CCSER1: variants seen among roughly 807,000 people sequenced by gnomAD.
CCSER1 encodes serine-rich coiled-coil domain-containing protein 1.
CCSER1 carries 41 observed loss-of-function variants against 82.0 expected under a neutral mutation model. The observed-to-expected ratio is 0.50, with a 90% confidence interval of 0.39 to 0.65. The LOEUF is 0.65. Among genes scored for constraint, CCSER1 ranks in the 30% least tolerant of loss-of-function variants. The pLI is 0.00. For synonymous variants in CCSER1, 414 were observed against 383.9 expected, an observed-to-expected ratio of 1.08 and a Z score of -0.92; for missense variants, 1,119 against 1,064.2, an observed-to-expected ratio of 1.05 and a Z score of -0.72.
intron 10 of CCSER1, among the ~76,000 whole-genome samples, chr4:91,522,798 A>G (rs2110145943): frequency 6.6e-6 from 1 of 152,326 alleles, no homozygotes; most frequent in Non-Finnish European, 1.5e-5. Flanking sequence ...TTTTCTAAAT[A>G]TACAATCATG....
At chr4:90,321,626 A>G (rs1013327887) in intron 3 of CCSER1, among the ~76,000 whole-genome samples, 4 of 152,108 alleles carry the variant, frequency 2.6e-5, no homozygotes, top group African/African-American at 9.7e-5. Context: ...TTAGTTTTTC[A>G]AGGAATCTCC....
At chr4:91,110,316 C>T (rs1207142435) in intron 10 of CCSER1, among the ~76,000 whole-genome samples, 1 of 151,838 alleles carries the variant, frequency 6.6e-6, no homozygotes, top group Non-Finnish European at 1.5e-5. Flanking sequence ...AAACTTAGTG[C>T]TTGCTCCTTA....
At chr4:90,785,852 C>T (rs74382445) in intron 7 of CCSER1, among the ~76,000 whole-genome samples, 7,777 of 152,034 alleles carry the variant, frequency 0.051, 233 homozygotes, top group East Asian at 0.15. Context: ...TTATTAATAT[C>T]CAAAGGATTA....
At chr4:91,546,206 T>A (rs1168638439) in intron 10 of CCSER1, among the ~76,000 whole-genome samples, 1 of 152,122 alleles carries the variant, frequency 6.6e-6, no homozygotes, top group Non-Finnish European at 1.5e-5. Flanking sequence ...TTTGCATTGA[T>A]GTTTATGAGA....
chr4:90,376,456 A>C (rs1748331810), intron 3 of CCSER1, among the ~76,000 whole-genome samples: 2 of 152,144 alleles, frequency 1.3e-5, no homozygotes, highest in Non-Finnish European at 2.9e-5. Context: ...TGTGATTTCT[A>C]ATACATCTTT....
intron 3 of CCSER1, among the ~76,000 whole-genome samples, chr4:90,394,659 T>C (rs1344083117): frequency 6.6e-6 from 1 of 152,162 alleles, no homozygotes; most frequent in Non-Finnish European, 1.5e-5. Context: ...TTTATATAAG[T>C]AAATTCTTTC....
rs899065732 is a variant in CCSER1, at chr4:91,600,580, C to T, written c.*1523C>T. On this transcript the variant is annotated 3_prime_UTR_variant, in exon 11 of 11. Coordinates refer to ENST00000509176, the MANE Select transcript of CCSER1 (RefSeq NM_001145065.2). The stretch of plus-strand genomic sequence containing the variant: ...ATCTGACAACTTGCTTAAATTAAAG[C>T]TGTGTGCAAAATGCATCTCCTATTA... 2 of 152,148 alleles carry T rather than the reference C, an allele frequency of 1.3e-5. No homozygotes were observed. Among genetic ancestry groups the T allele is most frequent in the African/African-American group, 4.8e-5 (2 of 41,444 alleles). The allele number at this position is 152,148 out of a possible 1,614,324, so 9.4% of individuals were successfully genotyped here. A position where few individuals can be genotyped will look rare whatever the true frequency, so the allele number is the denominator to read the frequency against.
chr4:91,205,320 C>G (rs111832786), intron 10 of CCSER1, among the ~76,000 whole-genome samples: 1 of 151,838 alleles, frequency 6.6e-6, no homozygotes, highest in South Asian at 2.1e-4. Flanking sequence ...GGACGAAATA[C>G]GTGACCTCAA....
chr4:90,309,265 G>C lies in CCSER1; in HGVS notation c.981G>C (p.Glu327Asp). Residue 327 changes from glutamate to aspartate, a missense_variant, in exon 2 of 11, where the codon GAG (glutamate) becomes GAC (aspartate). Transcript: ENST00000509176. ...AIMSPGKYRL[E>D]GQCSTESNSL... Reference sequence around the variant, plus strand: ...TGTCTCCTGGGAAATATAGGTTAGAGGGTCAATGTAGCACTGAATCTAATT... The same window carrying C: ...TGTCTCCTGGGAAATATAGGTTAGACGGTCAATGTAGCACTGAATCTAATT... 1 of 1,613,824 alleles carries C rather than the reference G, an allele frequency of 6.2e-7. No individual in the cohort carries two copies. The highest frequency in any genetic ancestry group is 8.5e-7 in the Non-Finnish European group (1 of 1,179,840).
rs556458302 is a variant in CCSER1, at chr4:91,153,839, G to T, written c.2217+67845G>T. Among the ~76,000 whole-genome samples, 192 of 151,894 alleles carry T rather than the reference G, an allele frequency of 1.3e-3. 5 individuals carry two copies. The highest frequency in any genetic ancestry group is 2.5e-3 in the Non-Finnish European group (168 of 67,910). ...GCAGAACTGCAAATATTACAGAACG[G>T]CATATATTGCTGCCTGATGCTTCCT... On this transcript the variant is annotated intron_variant, in intron 10 of 10. Transcript: ENST00000509176.
intron 1 of CCSER1, among the ~76,000 whole-genome samples, chr4:90,223,256 T>C (rs910053075): frequency 6.6e-6 from 1 of 152,248 alleles, no homozygotes; most frequent in African/African-American, 2.4e-5. Flanking sequence ...ACAATTGATA[T>C]GTATTTTTTT....
intron 9 of CCSER1, among the ~76,000 whole-genome samples, chr4:91,080,695 G>A (rs529909398): frequency 4.6e-5 from 7 of 152,084 alleles, no homozygotes; most frequent in Non-Finnish European, 8.8e-5. Context: ...AGAAAAAAGA[G>A]AAGAATCAAA....
chr4:91,277,740 G>T (rs1159344825), intron 10 of CCSER1, among the ~76,000 whole-genome samples: 1 of 151,180 alleles, frequency 6.6e-6, no homozygotes, highest in Non-Finnish European at 1.5e-5. Context: ...GGTTTGGTTT[G>T]TTCTTGCTTT....
At chr4:90,360,162 C>T (rs993114390) in intron 3 of CCSER1, among the ~76,000 whole-genome samples, 8 of 148,774 alleles carry the variant, frequency 5.4e-5, no homozygotes, top group African/African-American at 1.9e-4. Flanking sequence ...CGTGATCCGC[C>T]CGCCTCAGCC....
intron 3 of CCSER1, among the ~76,000 whole-genome samples, chr4:90,376,265 A>G (rs1479756830): frequency 1.3e-5 from 2 of 152,200 alleles, no homozygotes; most frequent in Non-Finnish European, 2.9e-5. Context: ...AGTTATCTCT[A>G]AAATGGGATT....
intron 6 of CCSER1, among the ~76,000 whole-genome samples, chr4:90,629,549 G>T (rs1387928451): frequency 6.6e-6 from 1 of 152,154 alleles, no homozygotes; most frequent in African/African-American, 2.4e-5. Context: ...CCATGATTCA[G>T]TTATCTCCAC....
chr4:90,979,050 C>A (rs897116142), intron 9 of CCSER1, among the ~76,000 whole-genome samples: 1 of 151,664 alleles, frequency 6.6e-6, no homozygotes, highest in East Asian at 1.9e-4. Flanking sequence ...CACCCTAAAA[C>A]AAAACAGCAA....
chr4:91,376,608 C>T (rs1194004526), intron 10 of CCSER1, among the ~76,000 whole-genome samples: 1 of 151,914 alleles, frequency 6.6e-6, no homozygotes, highest in Non-Finnish European at 1.5e-5. Context: ...ATTAAGCAAC[C>T]AGAGTTATGC....
At chr4:91,437,926 G>T (rs1049029009) in intron 10 of CCSER1, among the ~76,000 whole-genome samples, 1 of 152,216 alleles carries the variant, frequency 6.6e-6, no homozygotes, top group African/African-American at 2.4e-5. Context: ...CGAGGCAGGG[G>T]GAGGGGCGCC....
Sources: gnomAD v4.1 joint callset for allele counts (sites outside exome capture counted in the v4.1 genomes callset) on GRCh38, gnomAD v4.1.1 for gene constraint, MANE v1.5 for transcripts, NCBI Gene and HGNC (gene_info 2026-07-23, HGNC 2026-07-21) for gene names.